EYA3: variants seen among roughly 807,000 people sequenced by gnomAD.
EYA3 encodes protein phosphatase EYA3.
Under a neutral mutation model 80.0 loss-of-function variants are expected in EYA3, and 39 were observed. The ratio of observed to expected loss-of-function variants is 0.49; its 90% CI spans 0.38 to 0.64. EYA3 has a LOEUF of 0.64. Ranked by LOEUF, EYA3 falls within the 30% of genes least tolerant of loss-of-function variation. EYA3 has a pLI of 0.00. For synonymous variants in EYA3, 206 were observed against 232.8 expected (o/e 0.88, Z 1.05); for missense variants, 523 against 676.1 (o/e 0.77, Z 2.51).
At chr1:27,997,466 G>A in intron 12 of EYA3, 88 bp from the exon 13 acceptor site, 2 of 1,155,018 alleles carry the variant, frequency 1.7e-6, no homozygotes, top group Non-Finnish European at 2.6e-6. Context: ...CATATACAGT[G>A]GCAGGATAAT....
intron 17 of EYA3, chr1:27,977,230 C>T: frequency 6.5e-7 from 1 of 1,528,978 alleles, no homozygotes; most frequent in Non-Finnish European, 8.8e-7. Context: ...TGAATTGCTA[C>T]ATAAAGTGAC....
chr1:28,035,622 G>T lies in EYA3; in HGVS notation c.283C>A (p.Gln95Lys). 1 of 1,614,100 alleles carries T rather than the reference G, an allele frequency of 6.2e-7. No individual in the cohort carries two copies. The highest frequency in any genetic ancestry group is 8.5e-7 in the Non-Finnish European group (1 of 1,179,968). Reference sequence around the variant, plus strand: ...TGAGTCTGCTGTAGTGTCTGGTATTGAGTCTGTCCAGGGTAAGCAGTTTCC... The same window carrying T: ...TGAGTCTGCTGTAGTGTCTGGTATTTAGTCTGTCCAGGGTAAGCAGTTTCC... ...VSETAYPGQT[Q>K]YQTLQQTQPY... Residue 95 changes from glutamine (Q) to lysine (K), a missense_variant, in exon 6 of 18, where the codon CAA (glutamine) becomes AAA (lysine). Around this residue, in one of 2 missense-constraint regions of EYA3, gnomAD observed 304 missense variants for 343.3 expected, o/e 0.89. Transcript: ENST00000373871.
intron 7 of EYA3, among the ~76,000 whole-genome samples, chr1:28,026,165 T>C (rs1185987774): frequency 6.6e-6 from 1 of 152,208 alleles, no homozygotes; most frequent in East Asian, 1.9e-4. Flanking sequence ...ATTCTAGACA[T>C]AACTACAGAG....
At chr1:28,032,217 C>T (rs531659519) in intron 6 of EYA3, 4 of 152,192 alleles carry the variant, frequency 2.6e-5, no homozygotes, top group African/African-American at 7.2e-5. Context: ...ATTGGTATTA[C>T]AACATTGTGT....
At chr1:28,035,336 G>A (rs1643385973) in intron 6 of EYA3, among the ~76,000 whole-genome samples, 2 of 152,248 alleles carry the variant, frequency 1.3e-5, no homozygotes, top group South Asian at 4.1e-4. Context: ...CCAAGCTTCA[G>A]GGTCAAGACT....
intron 2 of EYA3, among the ~76,000 whole-genome samples, chr1:28,055,126 G>A (rs1644391710): frequency 6.6e-6 from 1 of 152,182 alleles, no homozygotes; most frequent in Admixed American, 6.5e-5. Context: ...TAAAGTATAT[G>A]ACGGAAAGCT....
chr1:28,034,026 T>C (rs1643308691), intron 6 of EYA3, among the ~76,000 whole-genome samples: 1 of 151,870 alleles, frequency 6.6e-6, no homozygotes, highest in Admixed American at 6.6e-5. Flanking sequence ...AAACCCTGTC[T>C]CTACTAAAAT....
At chr1:28,063,516 C>G (rs940427925) in intron 1 of EYA3, among the ~76,000 whole-genome samples, 1 of 151,878 alleles carries the variant, frequency 6.6e-6, no homozygotes, top group African/African-American at 2.4e-5. Flanking sequence ...GCCACCACAC[C>G]TGGTTAATTT....
Position 28,027,826 on chromosome 1 carries a change from G to A in EYA3, c.462C>T (p.Ser154=). The change falls in exon 7 of 18, where the codon AGC becomes AGT. Residue 154 remains serine (S), a synonymous_variant. Transcript: ENST00000373871. ...VLTCTTGLTT[S]QPSPAHYSYP... Reference sequence around the variant, plus strand: ...AAGAATAATGTGCTGGGCTTGGCTGGCTTGTGGTTAACCCTGTAGTGCAGG... The same window carrying A: ...AAGAATAATGTGCTGGGCTTGGCTGACTTGTGGTTAACCCTGTAGTGCAGG... The A allele has an allele frequency of 6.2e-7, 1 of 1,614,142 alleles. No individual in the cohort carries two copies. Among genetic ancestry groups the A allele is most frequent in the Non-Finnish European group, 8.5e-7 (1 of 1,180,010 alleles).
chr1:28,077,262 C>T (rs1645255255), intron 1 of EYA3, among the ~76,000 whole-genome samples: 1 of 151,770 alleles, frequency 6.6e-6, no homozygotes, highest in Non-Finnish European at 1.5e-5. Flanking sequence ...CATGACCATA[C>T]CCAGCTAAGT....
Position 28,042,649 on chromosome 1 carries a change from G to A in EYA3, c.79C>T (p.Gln27Ter). 6.2e-7 allele frequency: 1 copy of A among 1,613,864 alleles called. No individual in the cohort carries two copies. Among genetic ancestry groups the A allele is most frequent in the Non-Finnish European group, 8.5e-7 (1 of 1,179,756 alleles). ...MQESGEQTIS[Q>*]VSNPDVSDQK... ...TCACTGACATCTGGATTGCTTACTT[G>A]ACTGGGAGAACCAAAATGAATACAT... Residue 27 changes from glutamine to a stop codon, truncating the protein, a stop_gained and splice_region_variant, in exon 4 of 18, where the codon CAA (glutamine) becomes TAA (stop). Coordinates refer to ENST00000373871, the MANE Select transcript of EYA3 (RefSeq NM_001990.4). LOFTEE classifies it high-confidence loss of function.
chr1:28,014,523 T>C (rs1396637570), intron 8 of EYA3, among the ~76,000 whole-genome samples: 1 of 146,734 alleles, frequency 6.8e-6, no homozygotes. Flanking sequence ...AGGTCAGGAG[T>C]TTGAGACCAG....
intron 4 of EYA3, among the ~76,000 whole-genome samples, chr1:28,040,620 A>C (rs1643720039): frequency 1.3e-5 from 2 of 152,220 alleles, no homozygotes; most frequent in African/African-American, 4.8e-5. Flanking sequence ...AAGTACTGAG[A>C]GGGAGAATGT....
intron 6 of EYA3, among the ~76,000 whole-genome samples, chr1:28,033,654 A>C (rs1228731754): frequency 7.7e-6 from 1 of 129,772 alleles, no homozygotes; most frequent in African/African-American, 2.8e-5. Context: ...TATTATTATT[A>C]TTATTATTAT....
chr1:28,075,195 A>G (rs1645158514), intron 1 of EYA3, among the ~76,000 whole-genome samples: 2 of 152,216 alleles, frequency 1.3e-5, no homozygotes, highest in African/African-American at 4.8e-5. Flanking sequence ...CATGCAGCAC[A>G]CAACCCTACA....
At chr1:28,066,422 CA>C (rs537549636) in intron 1 of EYA3, among the ~76,000 whole-genome samples, 2 of 150,138 alleles carry the variant, frequency 1.3e-5, no homozygotes, top group Non-Finnish European at 3.0e-5. Flanking sequence ...TTAGAAATGC[CA>C]AAAAAAGATC....
chr1:27,989,955 C>T (rs888913325), intron 14 of EYA3, 144 bp from the exon 15 acceptor site: 13 of 401,764 alleles, frequency 3.2e-5, no homozygotes, highest in Non-Finnish European at 5.4e-5. Context: ...TATACATATA[C>T]GTATTTTTTT....
chr1:27,975,486 TA>T (rs1351204305), intron 17 of EYA3, among the ~76,000 whole-genome samples: 2 of 142,234 alleles, frequency 1.4e-5, no homozygotes, highest in Admixed American at 7.0e-5. Flanking sequence ...CTGGAGGCCA[TA>T]TTTTTTTTTT....
At chr1:28,047,538 ATGGT>A (rs1644060209) in intron 3 of EYA3, among the ~76,000 whole-genome samples, 1 of 141,988 alleles carries the variant, frequency 7.0e-6, no homozygotes, top group East Asian at 1.9e-4. Flanking sequence ...ACTGGCTCAT[ATGGT>A]TGGTGCACAA....
Sources: allele counts gnomAD v4.1 joint callset (sites outside exome capture counted in the v4.1 genomes callset), GRCh38; gene constraint gnomAD v4.1.1; regional missense constraint gnomAD v4.1.1; transcripts MANE v1.5; gene names NCBI Gene and HGNC (gene_info 2026-07-23, HGNC 2026-07-21).